Variants in SYT14 observed in about 807,000 individuals in gnomAD.
SYT14 encodes the protein synaptotagmin 14.
A neutral mutation model predicts 74.2 loss-of-function variants in SYT14; 32 were observed. That is an observed-to-expected ratio of 0.43 (90% confidence interval 0.33 to 0.58). SYT14 has a LOEUF of 0.58. Among genes scored for constraint, SYT14 ranks in the 20% least tolerant of loss-of-function variants. The pLI, the probability that SYT14 is intolerant of heterozygous loss-of-function variation, is 0.05. For missense variants in SYT14, 791 were observed against 981.8 expected, an observed-to-expected ratio of 0.81 and a Z score of 2.60; for synonymous variants, 298 against 337.7, an observed-to-expected ratio of 0.88 and a Z score of 1.29.
chr1:210,062,803 T>G (rs961151627), intron 5 of SYT14, among the ~76,000 whole-genome samples: 6 of 151,890 alleles, frequency 4.0e-5, no homozygotes, highest in African/African-American at 1.4e-4. Flanking sequence ...TCTTTAATTG[T>G]GAAAATAATT....
chr1:210,159,431 C>T (rs1363314858), exon 9 of SYT14: 2 of 1,551,286 alleles, frequency 1.3e-6, no homozygotes, highest in Admixed American at 2.0e-5. Context: ...ATGGACTGTT[C>T]TGTTGTCTAA....
chr1:210,028,737 T>C (rs958685416), intron 5 of SYT14, among the ~76,000 whole-genome samples: 1 of 152,192 alleles, frequency 6.6e-6, no homozygotes, highest in Non-Finnish European at 1.5e-5. Flanking sequence ...TGCACATGGG[T>C]GTACAAATAT....
chr1:209,965,747 A>G, intron 2 of SYT14: 1 of 365,188 alleles, frequency 2.7e-6, no homozygotes. Flanking sequence ...TACATATCAA[A>G]GTTCACCTGA....
chr1:210,136,575 G>C (rs2082790739), intron 7 of SYT14, among the ~76,000 whole-genome samples: 1 of 152,146 alleles, frequency 6.6e-6, no homozygotes, highest in Non-Finnish European at 1.5e-5. Context: ...CAGCTTGATA[G>C]AGGAAGAAGT....
At chr1:210,039,024 T>A (rs1308796862) in intron 5 of SYT14, among the ~76,000 whole-genome samples, 1 of 152,114 alleles carries the variant, frequency 6.6e-6, no homozygotes, top group Non-Finnish European at 1.5e-5. Flanking sequence ...CTTTTTCTTT[T>A]CCCTCAGGAA....
At chr1:210,103,277 G>T (rs546706425) in intron 7 of SYT14, among the ~76,000 whole-genome samples, 1 of 152,034 alleles carries the variant, frequency 6.6e-6, no homozygotes, top group African/African-American at 2.4e-5. Context: ...AAGGCCGGGC[G>T]CAGTGGCTCA....
chr1:210,070,415 T>G (rs562231174), intron 5 of SYT14, among the ~76,000 whole-genome samples: 2 of 152,116 alleles, frequency 1.3e-5, no homozygotes, highest in South Asian at 4.1e-4. Context: ...TTCATTGTAG[T>G]TAAAATTACA....
At chr1:210,087,029 T>G (rs1221412982) in intron 5 of SYT14, among the ~76,000 whole-genome samples, 1 of 152,206 alleles carries the variant, frequency 6.6e-6, no homozygotes, top group African/African-American at 2.4e-5. Flanking sequence ...TCATGCTGCC[T>G]TTCCCACTTG....
intron 4 of SYT14, among the ~76,000 whole-genome samples, chr1:210,019,670 GT>G (rs2080263404): frequency 6.6e-6 from 1 of 152,082 alleles, no homozygotes. Flanking sequence ...TAAGCATTTA[GT>G]TTCTGTCCTG....
intron 2 of SYT14, among the ~76,000 whole-genome samples, chr1:209,979,678 C>A (rs969753202): frequency 5.9e-5 from 9 of 152,114 alleles, no homozygotes; most frequent in Non-Finnish European, 1.3e-4. Flanking sequence ...TCACTCACCT[C>A]CCACTTGTAA....
chr1:210,037,529 G>GTT (rs59923020), intron 5 of SYT14, among the ~76,000 whole-genome samples: 2 of 137,830 alleles, frequency 1.5e-5, no homozygotes, highest in Non-Finnish European at 3.2e-5. Flanking sequence ...TGATTTTTCT[G>GTT]TTTTTTTTTT....
intron 5 of SYT14, among the ~76,000 whole-genome samples, chr1:210,069,631 A>T (rs1214533095): frequency 6.8e-6 from 1 of 147,330 alleles, no homozygotes; most frequent in Admixed American, 6.6e-5. Flanking sequence ...GTATTTGTTA[A>T]GTTATCTTTT....
intron 5 of SYT14, among the ~76,000 whole-genome samples, chr1:210,051,416 C>T (rs2080993596): frequency 2.0e-5 from 3 of 152,096 alleles, no homozygotes. Flanking sequence ...TTGAGTTTTT[C>T]AATTTGTTTT....
At chr1:210,134,098 G>A (rs2082732888) in intron 7 of SYT14, among the ~76,000 whole-genome samples, 1 of 151,832 alleles carries the variant, frequency 6.6e-6, no homozygotes, top group African/African-American at 2.4e-5. Context: ...TTGAGATGCA[G>A]TCTCATTCTG....
chr1:209,938,367 G>A, intron 1 of SYT14, 90 bp downstream of exon 1: 3 of 1,370,904 alleles, frequency 2.2e-6, no homozygotes, highest in African/African-American at 1.5e-5. Context: ...AGGCGCTGAC[G>A]GGGCCGCCTC....
At chr1:210,138,233 T>C (rs1341352840) in intron 7 of SYT14, among the ~76,000 whole-genome samples, 1 of 152,182 alleles carries the variant, frequency 6.6e-6, no homozygotes, top group African/African-American at 2.4e-5. Flanking sequence ...AGTCACATCT[T>C]ACATGGCGAC....
chr1:210,163,768 T>C (rs1043170828), exon 10 of SYT14: 4 of 453,680 alleles, frequency 8.8e-6, no homozygotes, highest in African/African-American at 8.0e-5. Context: ...CCCACTTCAC[T>C]CTACTGAATC....
chr1:209,977,789 C>A (rs1032464907), intron 2 of SYT14, among the ~76,000 whole-genome samples: 2 of 152,170 alleles, frequency 1.3e-5, no homozygotes, highest in African/African-American at 4.8e-5. Flanking sequence ...TGGATAATAT[C>A]CTGCAGAGTG....
At position 210,000,613 on chromosome 1, in the gene SYT14, C is replaced by T. The variant is rs12563923; in HGVS notation, c.-485-13020C>T. On this transcript the variant is annotated intron_variant, in intron 2 of 9. Transcript: ENST00000637265. ...TTTCATTAGGGCTGTTTTATGCCTT[C>T]TTTTTTTTTTTTTTTTTTTGAGATA... 0.015 allele frequency among the ~76,000 whole-genome samples: 1,617 copies of T among 105,354 alleles called. 122 individuals are homozygous for T. The East Asian group carries it at 0.24, about 15-fold the overall frequency. 69.1% of individuals were successfully genotyped at this position (105,354 alleles called of 152,430 possible). A position where few individuals can be genotyped will look rare whatever the true frequency, so the allele number is the denominator to read the frequency against.
Sources: allele counts gnomAD v4.1 joint callset (sites outside exome capture counted in the v4.1 genomes callset), GRCh38; gene constraint gnomAD v4.1.1; transcripts MANE v1.5; gene names NCBI Gene and HGNC (gene_info 2026-07-23, HGNC 2026-07-21).